Variants in NPEPPS observed in about 807,000 individuals in gnomAD.
The protein encoded by NPEPPS is puromycin-sensitive aminopeptidase.
Under a neutral mutation model 115.5 loss-of-function variants are expected in NPEPPS, and 14 were observed. That is an observed-to-expected ratio of 0.12 (90% confidence interval 0.08 to 0.19). NPEPPS has a LOEUF of 0.19. Ranked by LOEUF, NPEPPS falls within the 10% of genes least tolerant of loss-of-function variation. The pLI, the probability that NPEPPS is intolerant of heterozygous loss-of-function variation, is 1.00. For synonymous variants in NPEPPS, 285 were observed against 390.6 expected (o/e 0.73, Z 3.19); for missense variants, 523 against 1,110.8 (o/e 0.47, Z 7.52).
In NPEPPS at chr17:47,585,674, G is replaced by A. The variant is rs1912136798; in HGVS notation, c.823G>A (p.Ala275Thr). Residue 275 changes from alanine to threonine, a missense_variant, in exon 6 of 23, where the codon GCA becomes ACA. By Grantham distance (58) the Ala-to-Thr change is moderately conservative. Around this residue, in one of 4 missense-constraint regions of NPEPPS, gnomAD observed 144 missense variants for 512.4 expected, o/e 0.28. Coordinates refer to ENST00000322157, the MANE Select transcript of NPEPPS (RefSeq NM_006310.4). ...CVRVYTPVGK[A>T]EQGKFALEVA... ...CCGTGTTTACACTCCTGTTGGCAAA[G>A]CAGAGCAAGGAAAATTTGCGTTAGA... is the stretch of plus-strand genomic sequence containing the variant. The A allele has an allele frequency of 6.2e-7, 1 of 1,613,926 alleles. No individual in the cohort carries two copies.
chr17:47,570,877 C>T (rs1911151269), intron 3 of NPEPPS, among the ~76,000 whole-genome samples: 1 of 152,126 alleles, frequency 6.6e-6, no homozygotes, highest in Admixed American at 6.5e-5. Flanking sequence ...TTTTGAAAAG[C>T]ATTCTGGCAG....
intron 2 of NPEPPS, among the ~76,000 whole-genome samples, chr17:47,554,529 T>A (rs1597831106): frequency 6.6e-6 from 1 of 152,014 alleles, no homozygotes; most frequent in East Asian, 1.9e-4. Flanking sequence ...CCAGCAAATT[T>A]GTAAAAATTT....
Position 47,531,873 on chromosome 17 carries a change from C to T in NPEPPS, c.255+318C>T, listed in dbSNP as rs1254705642. On this transcript the variant is annotated intron_variant, in intron 1 of 22. Transcript: ENST00000322157. ...GCACACCTGTGTGGGGCTTTCCCCCCCGCCCCGGACCCTTCTGGGCTTGAT... is the reference window on the plus strand; with the variant it reads ...GCACACCTGTGTGGGGCTTTCCCCCTCGCCCCGGACCCTTCTGGGCTTGAT... Among the ~76,000 whole-genome samples the T allele has an allele frequency of 3.9e-5, 6 of 152,276 alleles. No homozygotes were observed. The East Asian group carries it at 1.2e-3, about 29-fold the overall frequency.
upstream of NPEPPS, among the ~76,000 whole-genome samples, chr17:47,528,114 T>C (rs1907513637): frequency 6.7e-6 from 1 of 150,346 alleles, no homozygotes; most frequent in African/African-American, 2.5e-5. Flanking sequence ...CCAGCCTGGC[T>C]AACATGGTGA....
rs183798067 is a variant in NPEPPS, at chr17:47,560,619, A to G, written c.341-8798A>G. ...GTTCCTGGTTCCATTTTTCACTTGA[A>G]TCCCCCTTGGATATCCTCCAGAATG... On this transcript the variant is annotated intron_variant, in intron 2 of 22. Transcript: ENST00000322157. Among the ~76,000 whole-genome samples, 423 of 152,264 alleles carry G rather than the reference A, an allele frequency of 2.8e-3. 2 individuals carry two copies. The highest frequency in any genetic ancestry group is 3.7e-3 in the Non-Finnish European group (254 of 68,028).
At chr17:47,576,886 T>C (rs1013767559) in intron 3 of NPEPPS, among the ~76,000 whole-genome samples, 1 of 152,004 alleles carries the variant, frequency 6.6e-6, no homozygotes, top group African/African-American at 2.4e-5. Context: ...ATTTGATAAA[T>C]GAAATTTATT....
chr17:47,538,380 A>C (rs1279732555), intron 1 of NPEPPS, among the ~76,000 whole-genome samples: 2 of 148,906 alleles, frequency 1.3e-5, no homozygotes, highest in Non-Finnish European at 3.0e-5. Context: ...ACACCTGGCT[A>C]ATTTTTGTAT....
At chr17:47,612,642 A>G in intron 18 of NPEPPS, 40 bp downstream of exon 18, 1 of 1,561,178 alleles carries the variant, frequency 6.4e-7, no homozygotes. Context: ...TATAGGTAAC[A>G]TCATTTTGTG....
Position 47,622,822 on chromosome 17 carries a change from A to G in NPEPPS, c.*902A>G, listed in dbSNP as rs749741703. 1.2e-4 allele frequency: 54 copies of G among 454,466 alleles called. No individual in the cohort carries two copies. Among genetic ancestry groups the G allele is most frequent in the Admixed American group, 5.7e-4 (24 of 42,170 alleles). 28.2% of individuals were successfully genotyped at this position (454,466 alleles called of 1,614,324 possible). A position where few individuals can be genotyped will look rare whatever the true frequency, so the allele number is the denominator to read the frequency against. On this transcript the variant is annotated 3_prime_UTR_variant, in exon 23 of 23. Transcript: ENST00000322157. Reference sequence around the variant, plus strand: ...GCCTTTCTGAAGGAGTTATTCTGCTAAAAATGGTCTTAGTTGTCTGAAAAG... The same window carrying G: ...GCCTTTCTGAAGGAGTTATTCTGCTGAAAATGGTCTTAGTTGTCTGAAAAG...
At chr17:47,528,311 T>A (rs1191396396), upstream of NPEPPS, among the ~76,000 whole-genome samples, 1 of 151,924 alleles carries the variant, frequency 6.6e-6, no homozygotes, top group Non-Finnish European at 1.5e-5. Context: ...AAAAAAAAAA[T>A]TATTATATGT....
intron 17 of NPEPPS, among the ~76,000 whole-genome samples, chr17:47,608,701 A>G (rs1913664822): frequency 6.6e-6 from 1 of 152,216 alleles, no homozygotes; most frequent in Non-Finnish European, 1.5e-5. Context: ...TTGTGTGGAA[A>G]AGGAAGAAAC....
At chr17:47,595,004 C>T (rs1238939525) in intron 12 of NPEPPS, among the ~76,000 whole-genome samples, 1 of 151,946 alleles carries the variant, frequency 6.6e-6, no homozygotes, top group African/African-American at 2.4e-5. Context: ...GTCTTGGCTT[C>T]GTTGCAACCT....
chr17:47,619,840 C>G (rs1346846245), intron 22 of NPEPPS, 56 bp downstream of exon 22: 3 of 1,310,488 alleles, frequency 2.3e-6, no homozygotes, highest in Non-Finnish European at 3.3e-6. Flanking sequence ...AAAACAATAA[C>G]CTGGTTGTAA....
intron 1 of NPEPPS, among the ~76,000 whole-genome samples, chr17:47,537,319 C>G (rs1908373711): frequency 6.6e-6 from 1 of 152,176 alleles, no homozygotes; most frequent in Admixed American, 6.5e-5. Flanking sequence ...TAAGCTTTGT[C>G]TAATTCATCT....
At chr17:47,590,940 A>G (rs1406320830) in intron 10 of NPEPPS, 59 bp downstream of exon 10, 1 of 1,474,104 alleles carries the variant, frequency 6.8e-7, no homozygotes, top group East Asian at 2.3e-5. Context: ...TGAAATACGT[A>G]ATTTGTTACA....
intron 5 of NPEPPS, among the ~76,000 whole-genome samples, chr17:47,584,057 C>T (rs1422560625): frequency 6.6e-6 from 1 of 151,732 alleles, no homozygotes; most frequent in Non-Finnish European, 1.5e-5. Flanking sequence ...CCCATCTCTA[C>T]TAAAAATACA....
intron 19 of NPEPPS, among the ~76,000 whole-genome samples, chr17:47,615,160 C>CGTT (rs1914128100): frequency 6.7e-6 from 1 of 149,896 alleles, no homozygotes; most frequent in Non-Finnish European, 1.5e-5. Context: ...TCACTGCAAC[C>CGTT]TCTGCCTCCC....
intron 2 of NPEPPS, among the ~76,000 whole-genome samples, chr17:47,549,583 C>T (rs1250054244): frequency 2.0e-5 from 3 of 151,748 alleles, no homozygotes; most frequent in African/African-American, 4.8e-5. Context: ...AGTTTGAGAA[C>T]AGCCTGGCCA....
intron 12 of NPEPPS, among the ~76,000 whole-genome samples, chr17:47,594,834 G>T (rs12936468): frequency 0.4 from 60,533 of 151,476 alleles, 12,968 homozygotes; most frequent in East Asian, 0.55. Flanking sequence ...GGGTTTCACT[G>T]TGTTAGCCAG....
Sources: gnomAD v4.1 joint callset for allele counts (sites outside exome capture counted in the v4.1 genomes callset) on GRCh38, gnomAD v4.1.1 for gene constraint, gnomAD v4.1.1 regional missense constraint, MANE v1.5 for transcripts, NCBI Gene and HGNC (gene_info 2026-07-23, HGNC 2026-07-21) for gene names.